The following TARS2 variants were observed in gnomAD, a reference collection of about 807,000 sequenced individuals.
TARS2 encodes the protein threonine--tRNA ligase, mitochondrial.
In TARS2, 61 loss-of-function variants were observed where a neutral mutation model predicts 94.4. That is an observed-to-expected ratio of 0.65 (90% CI 0.53 to 0.80). The LOEUF is 0.80. Among genes scored for constraint, TARS2 ranks in the 30% least tolerant of loss-of-function variants. The pLI is 0.00. For missense variants in TARS2, 704 were observed against 902.5 expected (o/e 0.78, Z 2.82); for synonymous variants, 359 against 353.4 (o/e 1.02, Z -0.18).
chr1:150,490,602 T>A lies in TARS2; in HGVS notation c.389T>A (p.Val130Glu), dbSNP rs763168537. 6.2e-7 allele frequency: 1 copy of A among 1,612,820 alleles called. No homozygotes were observed. Among genetic ancestry groups the A allele is most frequent in the Non-Finnish European group, 8.5e-7 (1 of 1,179,644 alleles). Reference sequence around the variant, plus strand: ...TGAACCCCTTTTTTGTGAACCCAGGTGTTCTGGCACTCCAGCACCCATGTC... The same window carrying A: ...TGAACCCCTTTTTTGTGAACCCAGGAGTTCTGGCACTCCAGCACCCATGTC... ...LTFDSPEGKA[V>E]FWHSSTHVLG... The change falls in exon 4 of 18, where the codon GTG (valine) becomes GAG (glutamate). Residue 130 changes from valine to glutamate, a missense_variant and splice_region_variant. Val to Glu is a moderately radical substitution (Grantham distance 121, BLOSUM62 -2). Coordinates refer to ENST00000369064, the MANE Select transcript of TARS2 (RefSeq NM_025150.5).
chr1:150,495,043 G>A (rs1205945373), intron 7 of TARS2, among the ~76,000 whole-genome samples: 4 of 152,086 alleles, frequency 2.6e-5, no homozygotes, highest in Non-Finnish European at 4.4e-5. Flanking sequence ...GCTGGGCGAG[G>A]TGGCGGGCGC....
At chr1:150,488,312 G>A in intron 2 of TARS2, 1 of 375,000 alleles carries the variant, frequency 2.7e-6, no homozygotes, top group Non-Finnish European at 4.8e-6. Context: ...TGGGATTACA[G>A]GCATGAGCCA....
At chr1:150,492,809 C>CAAAA (rs750302051) in intron 7 of TARS2, among the ~76,000 whole-genome samples, 1 of 67,278 alleles carries the variant, frequency 1.5e-5, no homozygotes, top group African/African-American at 5.2e-5. Context: ...GAGTCCATCT[C>CAAAA]AAAAAAAAAA....
intron 13 of TARS2, 120 bp downstream of exon 13, chr1:150,499,413 A>C: frequency 2.2e-6 from 2 of 923,400 alleles, no homozygotes; most frequent in South Asian, 3.2e-5. Flanking sequence ...ACCCAGGCTA[A>C]AATGCAGTGG....
chr1:150,488,891 G>C (rs1669260298), intron 2 of TARS2, 73 bp from the exon 3 acceptor site: 2 of 1,561,276 alleles, frequency 1.3e-6, no homozygotes, highest in Non-Finnish European at 1.7e-6. Flanking sequence ...ATAGGAATCA[G>C]AACATGTGAT....
intron 3 of TARS2, among the ~76,000 whole-genome samples, chr1:150,489,796 G>A (rs1560243832): frequency 1.3e-5 from 2 of 152,222 alleles, no homozygotes; most frequent in South Asian, 2.1e-4. Context: ...ACAAAAATTA[G>A]CTGGGCGTGG....
intron 2 of TARS2, among the ~76,000 whole-genome samples, 160 bp from the exon 3 acceptor site, chr1:150,488,804 C>T (rs1191720319): frequency 6.6e-6 from 1 of 152,188 alleles, no homozygotes; most frequent in Non-Finnish European, 1.5e-5. Flanking sequence ...TTCATCTCCC[C>T]TCCCCCATCC....
At chr1:150,506,695 G>A (rs1219201749) in intron 17 of TARS2, among the ~76,000 whole-genome samples, 2 of 151,734 alleles carry the variant, frequency 1.3e-5, no homozygotes, top group Non-Finnish European at 2.9e-5. Flanking sequence ...GAAGCGATAA[G>A]GCCTGCGGGG....
intron 7 of TARS2, among the ~76,000 whole-genome samples, chr1:150,495,652 C>A (rs1245286901): frequency 3.3e-5 from 5 of 151,744 alleles, no homozygotes; most frequent in Admixed American, 2.6e-4. Context: ...CCTCAGCCCC[C>A]CAAAGTGCTG....
Position 150,499,000 on chromosome 1 carries a change from T to C in TARS2, c.1505T>C (p.Leu502Pro), listed in dbSNP as rs1669793127. 3 of 1,614,162 alleles carry C rather than the reference T, an allele frequency of 1.9e-6. No individual in the cohort carries two copies. The highest frequency in any genetic ancestry group is 1.7e-5 in the Admixed American group (1 of 60,018). The change falls in exon 12 of 18, where the codon CTG (leucine) becomes CCG (proline). Residue 502 changes from leucine to proline, a missense_variant. This residue lies in a region of TARS2 where 466 missense variants were observed against 609.5 expected (regional missense o/e 0.76). Transcript: ENST00000369064. ...LALSTRPSGF[L>P]GDPCLWDQAE... ...CTGTCCACCCGGCCATCTGGCTTCCTGGGGGACCCTTGCCTTTGGGACCAG... is the reference window on the plus strand; with the variant it reads ...CTGTCCACCCGGCCATCTGGCTTCCCGGGGGACCCTTGCCTTTGGGACCAG...
In TARS2 at chr1:150,491,050, T is replaced by C. The variant is rs12145082; in HGVS notation, c.512+325T>C. Among the ~76,000 whole-genome samples, 33,561 of 132,798 alleles carry C rather than the reference T, an allele frequency of 0.25. 4,226 individuals are homozygous for C. The highest frequency in any genetic ancestry group is 0.35 in the African/African-American group (13,249 of 38,242). 87.1% of individuals were successfully genotyped at this position (132,798 alleles called of 152,430 possible). A position where few individuals can be genotyped will look rare whatever the true frequency, so the allele number is the denominator to read the frequency against. ...AACTTGTGTGACACAGCAAGACACTTTCTCAAAAAAAAAACAAAAAGAAAA... is the reference window on the plus strand; with the variant it reads ...AACTTGTGTGACACAGCAAGACACTCTCTCAAAAAAAAAACAAAAAGAAAA... On this transcript the variant is annotated intron_variant, in intron 4 of 17. Coordinates refer to ENST00000369064, the MANE Select transcript of TARS2 (RefSeq NM_025150.5).
intron 6 of TARS2, 107 bp from the exon 7 acceptor site, chr1:150,492,304 G>A (rs1173287255): frequency 1.7e-6 from 2 of 1,187,126 alleles, no homozygotes; most frequent in African/African-American, 3.0e-5. Context: ...CTCTCAGTAG[G>A]ACAGTTCCTT....
chr1:150,487,824 C>T, intron 1 of TARS2, 34 bp from the exon 2 acceptor site: 2 of 1,596,172 alleles, frequency 1.3e-6, no homozygotes, highest in Non-Finnish European at 1.7e-6. Context: ...AATGATGGGA[C>T]GTGTGTTACC....
At chr1:150,499,156 G>A (rs587605575) in intron 12 of TARS2, 60 bp from the exon 13 acceptor site, 53 of 1,609,380 alleles carry the variant, frequency 3.3e-5, no homozygotes, top group South Asian at 8.8e-5. Flanking sequence ...GGGACTGACC[G>A]GATGTGTTGC....
intron 13 of TARS2, among the ~76,000 whole-genome samples, chr1:150,501,603 T>C (rs995231434): frequency 6.6e-6 from 1 of 151,722 alleles, no homozygotes; most frequent in Non-Finnish European, 1.5e-5. Context: ...ACCAAAGTGC[T>C]GGGATTACAG....
At chr1:150,503,451 G>A (rs754341873) in intron 13 of TARS2, among the ~76,000 whole-genome samples, 32 of 151,754 alleles carry the variant, frequency 2.1e-4, no homozygotes, top group Non-Finnish European at 3.8e-4. Flanking sequence ...ACTTTGGGAG[G>A]CCGAAGTGGG....
intron 11 of TARS2, 109 bp from the exon 12 acceptor site, chr1:150,498,788 A>G (rs1669783715): frequency 6.2e-7 from 1 of 1,607,740 alleles, no homozygotes. Context: ...TTCTACCCCC[A>G]GCTTGCTTCC....
chr1:150,499,265 C>G lies in TARS2; in HGVS notation c.1589C>G (p.Ser530Cys). 1.2e-6 allele frequency: 2 copies of G among 1,614,146 alleles called. No homozygotes were observed. The highest frequency in any genetic ancestry group is 1.7e-6 in the Non-Finnish European group (2 of 1,180,028). The change falls in exon 13 of 18, where the codon TCT becomes TGT. Residue 530 changes from serine (S) to cysteine (C), a missense_variant. Physicochemically the swap from Ser to Cys is moderately radical, Grantham distance 112 (BLOSUM62 -1). This residue lies in a region of TARS2 where 466 missense variants were observed against 609.5 expected (regional missense o/e 0.76). Coordinates refer to ENST00000369064, the MANE Select transcript of TARS2 (RefSeq NM_025150.5). The part of the protein sequence containing the change: ...KEFGEPWDLN[S>C]GDGAFYGPKI... Reference sequence around the variant, plus strand: ...TTTGGAGAACCCTGGGACCTCAACTCTGGAGATGGTGCCTTCTATGGACCT... The same window carrying G: ...TTTGGAGAACCCTGGGACCTCAACTGTGGAGATGGTGCCTTCTATGGACCT...
Position 150,505,088 on chromosome 1 carries a change from TCACAGC to T in TARS2, c.1893+115_1893+120del. On this transcript the variant is annotated intron_variant, in intron 16 of 17. Transcript: ENST00000369064. Reference sequence around the variant, plus strand: ...GGTGGTAGAGGAAGGAGCACAGCCCTCACAGCCACAAGACTGGGCTCGAGTGGCTGC... The same window carrying T: ...GGTGGTAGAGGAAGGAGCACAGCCCTCACAAGACTGGGCTCGAGTGGCTGC... The T allele has an allele frequency of 2.8e-6, 3 of 1,082,112 alleles. No homozygotes were observed. In the South Asian group the frequency reaches 4.4e-5, roughly 16 times the overall value. 67.0% of individuals were successfully genotyped at this position (1,082,112 alleles called of 1,614,324 possible).
Sources: gnomAD v4.1 joint callset for allele counts (sites outside exome capture counted in the v4.1 genomes callset) on GRCh38, gnomAD v4.1.1 for gene constraint, gnomAD v4.1.1 regional missense constraint, MANE v1.5 for transcripts, NCBI Gene and HGNC (gene_info 2026-07-23, HGNC 2026-07-21) for gene names.